KCNT1: variants seen among roughly 807,000 people sequenced by gnomAD.
KCNT1 encodes potassium sodium-activated channel subfamily T member 1.
A neutral mutation model predicts 147.8 loss-of-function variants in KCNT1; 78 were observed. The ratio of observed to expected loss-of-function variants is 0.53; its 90% CI spans 0.44 to 0.64. The LOEUF (loss-of-function observed/expected upper bound fraction) is 0.64, where lower values mean the gene tolerates loss of function less well. Ranked by LOEUF, KCNT1 falls within the 30% of genes least tolerant of loss-of-function variation. KCNT1 has a pLI of 0.00. For missense variants in KCNT1, 1,419 were observed against 1,750.3 expected (o/e 0.81, Z 3.38); for synonymous variants, 867 against 748.8 (o/e 1.16, Z -2.58).
intron 13 of KCNT1, among the ~76,000 whole-genome samples, chr9:135,766,421 G>A (rs1414266371): frequency 6.6e-6 from 1 of 152,146 alleles, no homozygotes; most frequent in Non-Finnish European, 1.5e-5. Flanking sequence ...GACCATCTAG[G>A]GTGGACCATC....
At chr9:135,777,231 C>T (rs931238675) in intron 20 of KCNT1, 107 bp from the exon 21 acceptor site, 46 of 1,235,176 alleles carry the variant, frequency 3.7e-5, no homozygotes, top group South Asian at 1.6e-4. Context: ...GAGAGGCTAA[C>T]GGCTGGGTGT....
intron 10 of KCNT1, among the ~76,000 whole-genome samples, chr9:135,759,079 C>G (rs1019374271): frequency 1.3e-5 from 2 of 152,212 alleles, no homozygotes; most frequent in Non-Finnish European, 2.9e-5. Context: ...CTCCCTTCCC[C>G]CCTGCCCCTC....
At chr9:135,774,732 G>A (rs1264245166) in intron 19 of KCNT1, among the ~76,000 whole-genome samples, 4 of 152,084 alleles carry the variant, frequency 2.6e-5, no homozygotes, top group Admixed American at 2.6e-4. Context: ...CGCATGTGTT[G>A]TGTGTGTGTC....
intron 2 of KCNT1, among the ~76,000 whole-genome samples, chr9:135,723,577 C>T (rs1292474933): frequency 6.6e-6 from 1 of 152,240 alleles, no homozygotes; most frequent in African/African-American, 2.4e-5. Flanking sequence ...GCGTCTGCTG[C>T]ATGGCCATGT....
At position 135,702,236 on chromosome 9, in the gene KCNT1, T is replaced by A; in HGVS notation, c.-23T>A. Reference sequence around the variant, plus strand: ...GGCTCCCACTCGCTTCTCCCTCGGGTCGGGTCCGAGCTGCCAGGCCGCATG... The same window carrying A: ...GGCTCCCACTCGCTTCTCCCTCGGGACGGGTCCGAGCTGCCAGGCCGCATG... On this transcript the variant is annotated 5_prime_UTR_variant, in exon 1 of 31. Coordinates refer to ENST00000371757, the MANE Select transcript of KCNT1 (RefSeq NM_020822.3). The A allele has an allele frequency of 6.4e-7, 1 of 1,571,824 alleles. No homozygotes were observed. Among genetic ancestry groups the A allele is most frequent in the Non-Finnish European group, 8.7e-7 (1 of 1,146,478 alleles).
rs62584777 is a variant in KCNT1, at chr9:135,793,617, G to A, written c.*1456G>A. ...GCTGAAGGGGAAGGACCAAAAGGCCGAGGTGCAGCCCCTCCCCGGTGTCAG... is the reference window on the plus strand; with the variant it reads ...GCTGAAGGGGAAGGACCAAAAGGCCAAGGTGCAGCCCCTCCCCGGTGTCAG... On this transcript the variant is annotated 3_prime_UTR_variant, in exon 31 of 31. Transcript: ENST00000371757. The A allele has an allele frequency of 0.11, 17,216 of 152,460 alleles. 1,317 individuals carry two copies. Among genetic ancestry groups the A allele is most frequent in the South Asian group, 0.18 (862 of 4,824 alleles). 9.4% of individuals were successfully genotyped at this position (152,460 alleles called of 1,614,324 possible). A position where few individuals can be genotyped will look rare whatever the true frequency, so the allele number is the denominator to read the frequency against.
intron 29 of KCNT1, chr9:135,790,590 G>A (rs1246565835): frequency 6.6e-6 from 1 of 152,414 alleles, no homozygotes; most frequent in East Asian, 1.9e-4. Flanking sequence ...TCACACTGTG[G>A]GAACTCCAAA....
chr9:135,718,215 G>A (rs1835793040), intron 2 of KCNT1, among the ~76,000 whole-genome samples: 1 of 152,202 alleles, frequency 6.6e-6, no homozygotes, highest in Admixed American at 6.5e-5. Flanking sequence ...GGAGACCAGG[G>A]GTCGTCTGCC....
At chr9:135,729,135 G>A (rs1291678599) in intron 2 of KCNT1, among the ~76,000 whole-genome samples, 1 of 152,208 alleles carries the variant, frequency 6.6e-6, no homozygotes, top group East Asian at 1.9e-4. Flanking sequence ...AATTAAGTTC[G>A]CTGAGCAGTT....
chr9:135,750,285 T>C (rs1354420603), intron 3 of KCNT1, 108 bp downstream of exon 3: 4 of 633,898 alleles, frequency 6.3e-6, no homozygotes, highest in Non-Finnish European at 1.0e-5. Flanking sequence ...GGAGAGTCCA[T>C]GGGGTGGGAG....
At chr9:135,706,812 G>A (rs908432741) in intron 1 of KCNT1, among the ~76,000 whole-genome samples, 6 of 152,188 alleles carry the variant, frequency 3.9e-5, no homozygotes, top group Admixed American at 1.3e-4. Flanking sequence ...TGAGGGAGGG[G>A]GCTGGGGCAG....
chr9:135,722,576 G>C (rs1362438587), intron 2 of KCNT1, among the ~76,000 whole-genome samples: 2 of 152,188 alleles, frequency 1.3e-5, no homozygotes, highest in Non-Finnish European at 2.9e-5. Context: ...AGTCTTCCCA[G>C]CTGCTATGGA....
chr9:135,783,524 C>T (rs1354515923), intron 24 of KCNT1, among the ~76,000 whole-genome samples: 1 of 152,198 alleles, frequency 6.6e-6, no homozygotes, highest in African/African-American at 2.4e-5. Flanking sequence ...TCATTTGTTA[C>T]GGGAGCCCCA....
At position 135,767,293 on chromosome 9, in the gene KCNT1, C is replaced by T. The variant is rs143297592; in HGVS notation, c.1338-1317C>T. On this transcript the variant is annotated intron_variant, in intron 13 of 30. Transcript: ENST00000371757. ...AGTGGGGAGAGGGCAAGGGCGTAGG[C>T]CATTCCCAGCCAGGCAGGGATGAGC... 2.0e-5 allele frequency among the ~76,000 whole-genome samples: 3 copies of T among 152,318 alleles called. No individual in the cohort carries two copies. The East Asian group carries it at 5.8e-4, about 29-fold the overall frequency.
chr9:135,759,984 C>A, intron 11 of KCNT1, 125 bp downstream of exon 11: 1 of 915,920 alleles, frequency 1.1e-6, no homozygotes. Context: ...GACAGTGAGG[C>A]CAGGCGGGTG....
intron 20 of KCNT1, among the ~76,000 whole-genome samples, chr9:135,776,365 C>T (rs1315376531): frequency 6.6e-6 from 1 of 152,148 alleles, no homozygotes; most frequent in African/African-American, 2.4e-5. Flanking sequence ...TCAAGGGGTC[C>T]TCCCACCTCA....
In KCNT1 at chr9:135,792,067, C is replaced by T; in HGVS notation, c.3614C>T (p.Ala1205Val). Residue 1205 changes from alanine to valine, a missense_variant, in exon 31 of 31, where the codon GCT becomes GTT. Coordinates refer to ENST00000371757, the MANE Select transcript of KCNT1 (RefSeq NM_020822.3). Reference sequence around the variant, plus strand: ...TATCTCATCCGCTCCGACCCCCTGGCTCACGTGGCCAGCAGCTCCCAGAGC... The same window carrying T: ...TATCTCATCCGCTCCGACCCCCTGGTTCACGTGGCCAGCAGCTCCCAGAGC... ...IVYLIRSDPL[A>V]HVASSSQSRK... 6.2e-7 allele frequency: 1 copy of T among 1,604,450 alleles called. No homozygotes were observed.
chr9:135,714,630 G>C lies in KCNT1; in HGVS notation c.164G>C (p.Ser55Thr), dbSNP rs1835644939. Residue 55 changes from serine (S) to threonine (T), a missense_variant, in exon 2 of 31, where the codon AGC becomes ACC. Ser to Thr is a moderately conservative substitution (Grantham distance 58, BLOSUM62 1). Coordinates refer to ENST00000371757, the MANE Select transcript of KCNT1 (RefSeq NM_020822.3). The surrounding 1 kb of genome is among the most constrained non-coding windows in gnomAD (Gnocchi z 6.2). The stretch of plus-strand genomic sequence containing the variant: ...CTGGACACCGCCGGCTTCAAGATGA[G>C]CGACCTGGACTCCGAGGTGCTGCCC... ...ALLDTAGFKM[S>T]DLDSEVLPLP... 1 of 1,464,522 alleles carries C rather than the reference G, an allele frequency of 6.8e-7. No homozygotes were observed. Among genetic ancestry groups the C allele is most frequent in the Non-Finnish European group, 9.1e-7 (1 of 1,096,692 alleles). 90.7% of individuals were successfully genotyped at this position (1,464,522 alleles called of 1,614,324 possible).
At chr9:135,732,446 A>G (rs2131364708) in intron 2 of KCNT1, among the ~76,000 whole-genome samples, 1 of 152,292 alleles carries the variant, frequency 6.6e-6, no homozygotes, top group South Asian at 2.1e-4. Flanking sequence ...TGTGCTGGTC[A>G]GAGCCAGCCA....
Sources: gnomAD v4.1 joint callset for allele counts (sites outside exome capture counted in the v4.1 genomes callset) on GRCh38, gnomAD v4.1.1 for gene constraint, Gnocchi (gnomAD v3.1) non-coding constraint, MANE v1.5 for transcripts, NCBI Gene and HGNC (gene_info 2026-07-23, HGNC 2026-07-21) for gene names.